The following RTKN2 variants were observed in gnomAD, a reference collection of about 807,000 sequenced individuals.
RTKN2 encodes rhotekin 2.
In RTKN2, 69 loss-of-function variants were observed where a neutral mutation model predicts 71.5. The ratio of observed to expected loss-of-function variants is 0.96; its 90% CI spans 0.79 to 1.18. The LOEUF (loss-of-function observed/expected upper bound fraction) is 1.18. RTKN2 is among the 50% of genes most tolerant of loss of function. RTKN2 has a pLI of 0.00. For synonymous variants in RTKN2, 236 were observed against 236.5 expected (o/e 1.00, Z 0.02); for missense variants, 724 against 719.7 (o/e 1.01, Z -0.07).
intron 4 of RTKN2, among the ~76,000 whole-genome samples, chr10:62,240,115 CACT>C (rs889913692): frequency 2.0e-5 from 3 of 151,996 alleles, no homozygotes; most frequent in African/African-American, 7.2e-5. Context: ...TGCACACACA[CACT>C]ACTACTACCG....
At position 62,195,537 on chromosome 10, in the gene RTKN2, C is replaced by G. The variant is rs994146941; in HGVS notation, c.*2371G>C. On this transcript the variant is annotated 3_prime_UTR_variant, in exon 12 of 12. Coordinates refer to ENST00000373789, the MANE Select transcript of RTKN2 (RefSeq NM_145307.4). Reference sequence around the variant, plus strand: ...TGAGACAGAGAGAGAGGACAGGGGGCCAGAGAAAGAAACAAAGACAAAAAG... The same window carrying G: ...TGAGACAGAGAGAGAGGACAGGGGGGCAGAGAAAGAAACAAAGACAAAAAG... The G allele has an allele frequency of 8.7e-6, 6 of 685,916 alleles. No individual in the cohort carries two copies. The highest frequency in any genetic ancestry group is 1.1e-5 in the Non-Finnish European group (6 of 563,982). 42.5% of individuals were successfully genotyped at this position (685,916 alleles called of 1,614,324 possible).
rs1487350968 is a variant in RTKN2, at chr10:62,197,611, T to C, written c.*297A>G. On this transcript the variant is annotated 3_prime_UTR_variant, in exon 12 of 12. Coordinates refer to ENST00000373789, the MANE Select transcript of RTKN2 (RefSeq NM_145307.4). Reference sequence around the variant, plus strand: ...AGAAATTTTAATGCTTTATTCTGCCTAGGGCTTATTCACTGCCTGGTACTA... The same window carrying C: ...AGAAATTTTAATGCTTTATTCTGCCCAGGGCTTATTCACTGCCTGGTACTA... 5 of 1,147,940 alleles carry C rather than the reference T, an allele frequency of 4.4e-6. No individual in the cohort carries two copies. The highest frequency in any genetic ancestry group is 5.4e-6 in the Non-Finnish European group (5 of 933,622). The allele number at this position is 1,147,940 out of a possible 1,614,324, so 71.1% of individuals were successfully genotyped here.
At position 62,195,319 on chromosome 10, in the gene RTKN2, C is replaced by T. The variant is rs1841300914; in HGVS notation, c.*2589G>A. 2.0e-6 allele frequency: 2 copies of T among 985,142 alleles called. No homozygotes were observed. The highest frequency in any genetic ancestry group is 2.4e-6 in the Non-Finnish European group (2 of 829,764). The allele number at this position is 985,142 out of a possible 1,614,324, so 61.0% of individuals were successfully genotyped here. A position where few individuals can be genotyped will look rare whatever the true frequency, so the allele number is the denominator to read the frequency against. On this transcript the variant is annotated 3_prime_UTR_variant, in exon 12 of 12. Coordinates refer to ENST00000373789, the MANE Select transcript of RTKN2 (RefSeq NM_145307.4). ...AAAGGACAAACAAGGAATGTGAAAG[C>T]TCATAAAAAGCTGAAGCAGCTTTCA... is the stretch of plus-strand genomic sequence containing the variant.
rs1049689713 is a variant in RTKN2 at position 62,193,796 on chromosome 10, TAA to T, written c.*4110_*4111del. 1.5e-5 allele frequency: 15 copies of T among 982,380 alleles called. No individual in the cohort carries two copies. Among genetic ancestry groups the T allele is most frequent in the African/African-American group, 1.7e-5 (1 of 57,182 alleles). 60.9% of individuals were successfully genotyped at this position (982,380 alleles called of 1,614,324 possible). A position where few individuals can be genotyped will look rare whatever the true frequency, so the allele number is the denominator to read the frequency against. ...AAGTAAGGTTATGTCAATGGATTTT[TAA>T]AAGAGTATACTTTAAGAAGGATTAT... On this transcript the variant is annotated 3_prime_UTR_variant, in exon 12 of 12. Coordinates refer to ENST00000373789, the MANE Select transcript of RTKN2 (RefSeq NM_145307.4).
intron 6 of RTKN2, among the ~76,000 whole-genome samples, chr10:62,230,898 A>G (rs2132955042): frequency 6.6e-6 from 1 of 152,294 alleles, no homozygotes; most frequent in South Asian, 2.1e-4. Context: ...GAGTGCAGGG[A>G]CCTATTAACC....
intron 3 of RTKN2, among the ~76,000 whole-genome samples, chr10:62,244,610 T>C (rs987770364): frequency 5.9e-5 from 9 of 152,168 alleles, no homozygotes; most frequent in African/African-American, 2.2e-4. Context: ...ATGTTTAGTT[T>C]TTATAAAATC....
intron 6 of RTKN2, among the ~76,000 whole-genome samples, chr10:62,224,985 G>A (rs1841990059): frequency 6.6e-6 from 1 of 152,148 alleles, no homozygotes; most frequent in African/African-American, 2.4e-5. Context: ...AAAGTGGAAT[G>A]ATAGGGTCTG....
chr10:62,256,788 T>C (rs147478137), intron 2 of RTKN2, among the ~76,000 whole-genome samples: 13 of 152,096 alleles, frequency 8.5e-5, no homozygotes, highest in African/African-American at 2.7e-4. Context: ...GGGGAGAATA[T>C]ACATGATGTT....
At chr10:62,242,829 C>A (rs1842405477) in intron 3 of RTKN2, among the ~76,000 whole-genome samples, 1 of 151,974 alleles carries the variant, frequency 6.6e-6, no homozygotes, top group Non-Finnish European at 1.5e-5. Context: ...AAGGGGTTCA[C>A]CATGTAGGCC....
rs1589393749 is a variant in RTKN2, at chr10:62,268,676, G to A, written c.-66C>T. The A allele has an allele frequency of 6.7e-7, 1 of 1,498,760 alleles. No homozygotes were observed. The highest frequency in any genetic ancestry group is 9.0e-7 in the Non-Finnish European group (1 of 1,106,438). The allele number at this position is 1,498,760 out of a possible 1,614,324, so 92.8% of individuals were successfully genotyped here. A position where few individuals can be genotyped will look rare whatever the true frequency, so the allele number is the denominator to read the frequency against. ...GGGAAGATTTGAAAAGCCCGCCCCT[G>A]GCAGGAGCCGCAGAGGACGCCAACC... is the stretch of plus-strand genomic sequence containing the variant. On this transcript the variant is annotated 5_prime_UTR_variant, in exon 1 of 12. Transcript: ENST00000373789.
At chr10:62,245,376 G>A (rs1357643597) in intron 3 of RTKN2, among the ~76,000 whole-genome samples, 1 of 152,098 alleles carries the variant, frequency 6.6e-6, no homozygotes, top group Non-Finnish European at 1.5e-5. Flanking sequence ...ATGTTGCCAG[G>A]ACAAGGAGAG....
At chr10:62,264,412 T>C (rs1237413083) in intron 1 of RTKN2, among the ~76,000 whole-genome samples, 1 of 152,224 alleles carries the variant, frequency 6.6e-6, no homozygotes, top group Non-Finnish European at 1.5e-5. Context: ...CTGGTTTTCC[T>C]TCATTACACA....
rs747180804 is a variant in RTKN2 at position 62,194,312 on chromosome 10, T to C, written c.*3596A>G. The C allele has an allele frequency of 1.3e-5, 13 of 983,768 alleles. No individual in the cohort carries two copies. The highest frequency in any genetic ancestry group is 1.6e-5 in the Non-Finnish European group (13 of 828,452). The allele number at this position is 983,768 out of a possible 1,614,324, so 60.9% of individuals were successfully genotyped here. Reference sequence around the variant, plus strand: ...GATTTCATTTAACTATTAATAGCAATGAAGCAGTTGCACACAAACATGTAA... The same window carrying C: ...GATTTCATTTAACTATTAATAGCAACGAAGCAGTTGCACACAAACATGTAA... On this transcript the variant is annotated 3_prime_UTR_variant, in exon 12 of 12. Transcript: ENST00000373789.
chr10:62,228,639 G>T (rs796087777), intron 6 of RTKN2, among the ~76,000 whole-genome samples: 3 of 152,302 alleles, frequency 2.0e-5, no homozygotes, highest in African/African-American at 7.2e-5. Context: ...ATACAGAAAT[G>T]ATGCCGTACT....
chr10:62,205,053 C>A lies in RTKN2; in HGVS notation c.1021-31G>T, dbSNP rs180738454. 457 of 1,547,520 alleles carry A rather than the reference C, an allele frequency of 3.0e-4. No homozygotes were observed. In the African/African-American group the frequency reaches 5.9e-3, roughly 20 times the overall value. On this transcript the variant is annotated intron_variant, in intron 9 of 11. Coordinates refer to ENST00000373789, the MANE Select transcript of RTKN2 (RefSeq NM_145307.4). ...AATTAAGAAAAAAATTGGGGTTTTG[C>A]ATGAGAAAATTTCTGTAATGATCAA...
At chr10:62,221,687 A>G (rs779843852) in intron 7 of RTKN2, among the ~76,000 whole-genome samples, 1 of 152,174 alleles carries the variant, frequency 6.6e-6, no homozygotes, top group African/African-American at 2.4e-5. Flanking sequence ...AGATTTTATC[A>G]TACCTCTTGT....
intron 6 of RTKN2, among the ~76,000 whole-genome samples, chr10:62,234,994 G>T (rs1842225540): frequency 6.6e-6 from 1 of 151,808 alleles, no homozygotes; most frequent in Non-Finnish European, 1.5e-5. Context: ...CAGTCCTCTA[G>T]ATCTAACTGC....
At chr10:62,248,084 T>G (rs1435846118) in intron 2 of RTKN2, among the ~76,000 whole-genome samples, 1 of 152,094 alleles carries the variant, frequency 6.6e-6, no homozygotes, top group Non-Finnish European at 1.5e-5. Context: ...CCTTCCAAAC[T>G]ACTCAACTAC....
At chr10:62,203,730 C>T (rs143838129) in intron 10 of RTKN2, among the ~76,000 whole-genome samples, 91 of 152,268 alleles carry the variant, frequency 6.0e-4, no homozygotes, top group African/African-American at 1.9e-3. Context: ...AGGGATGATA[C>T]TTAAGGAAAA....
Sources: gnomAD v4.1 joint callset for allele counts (sites outside exome capture counted in the v4.1 genomes callset) on GRCh38, gnomAD v4.1.1 for gene constraint, MANE v1.5 for transcripts, NCBI Gene and HGNC (gene_info 2026-07-23, HGNC 2026-07-21) for gene names.